The following PRKCE variants were observed in gnomAD, a reference collection of about 807,000 sequenced individuals.
The protein encoded by PRKCE is protein kinase C epsilon type.
Under a neutral mutation model 85.4 loss-of-function variants are expected in PRKCE, and 16 were observed. That is an observed-to-expected ratio of 0.19 (90% CI 0.13 to 0.28). The LOEUF is 0.28. PRKCE is among the 10% of genes least tolerant of loss of function. PRKCE has a pLI of 1.00. For missense variants in PRKCE, 573 were observed against 975.2 expected (o/e 0.59, Z 5.49); for synonymous variants, 388 against 371.5 (o/e 1.04, Z -0.51).
rs1039078638 is a variant in PRKCE at position 46,064,929 on chromosome 2, A to C, written c.1438-21279A>C. Among the ~76,000 whole-genome samples the C allele has an allele frequency of 3.3e-5, 5 of 152,222 alleles. No homozygotes were observed. In the East Asian group the frequency reaches 9.6e-4, roughly 29 times the overall value. ...GGAGGCCCCATTGTTGCCAACACCA[A>C]GCCCAAGCTTTCTGTAGATGTGGCT... On this transcript the variant is annotated intron_variant, in intron 10 of 14. Coordinates refer to ENST00000306156, the MANE Select transcript of PRKCE (RefSeq NM_005400.3).
At chr2:46,062,811 T>G (rs1377953303) in intron 10 of PRKCE, among the ~76,000 whole-genome samples, 1 of 151,674 alleles carries the variant, frequency 6.6e-6, no homozygotes, top group Non-Finnish European at 1.5e-5. Flanking sequence ...GTAGTTACAG[T>G]GGAGACGTTG....
chr2:46,000,805 C>G (rs1323174012), intron 6 of PRKCE: 1 of 152,214 alleles, frequency 6.6e-6, no homozygotes, highest in South Asian at 2.1e-4. Context: ...GTTTCTGCTT[C>G]AGTAAGTTGC....
At chr2:46,160,399 C>T (rs1316984765) in intron 14 of PRKCE, among the ~76,000 whole-genome samples, 1 of 152,240 alleles carries the variant, frequency 6.6e-6, no homozygotes, top group Non-Finnish European at 1.5e-5. Flanking sequence ...CTGGGCTCGA[C>T]TCACAAAATA....
chr2:45,946,194 C>G (rs909045242), intron 2 of PRKCE, among the ~76,000 whole-genome samples: 2 of 152,250 alleles, frequency 1.3e-5, no homozygotes, highest in African/African-American at 4.8e-5. Context: ...TCCCTGCCCA[C>G]AACTGGGTTC....
At chr2:46,091,592 GC>G (rs1670174686) in intron 11 of PRKCE, among the ~76,000 whole-genome samples, 1 of 152,198 alleles carries the variant, frequency 6.6e-6, no homozygotes, top group African/African-American at 2.4e-5. Context: ...AGATTCCATA[GC>G]CCTGACCAAG....
intron 14 of PRKCE, among the ~76,000 whole-genome samples, chr2:46,178,432 T>C (rs1176482057): frequency 6.6e-6 from 1 of 152,220 alleles, no homozygotes; most frequent in Non-Finnish European, 1.5e-5. Flanking sequence ...CAGATGATTA[T>C]GTTTAGAGAA....
chr2:45,909,635 C>T (rs933974758), intron 2 of PRKCE, among the ~76,000 whole-genome samples: 5 of 152,224 alleles, frequency 3.3e-5, no homozygotes, highest in Admixed American at 1.3e-4. Flanking sequence ...CAAGTGTGTT[C>T]TAAATTATTC....
intron 10 of PRKCE, among the ~76,000 whole-genome samples, chr2:46,020,912 A>G (rs1465037628): frequency 6.6e-6 from 1 of 152,248 alleles, no homozygotes; most frequent in Non-Finnish European, 1.5e-5. Flanking sequence ...GATTTCATCA[A>G]TCTTACCCAA....
In PRKCE at chr2:45,884,980, TATATATATATATA is replaced by T. The variant is rs1264266283; in HGVS notation, c.412+41918_412+41930del. Among the ~76,000 whole-genome samples, 38 of 66,508 alleles carry T rather than the reference TATATATATATATA, an allele frequency of 5.7e-4. 1 individual carries two copies. The highest frequency in any genetic ancestry group is 6.6e-3 in the Middle Eastern group (1 of 152). 43.6% of individuals were successfully genotyped at this position (66,508 alleles called of 152,430 possible). ...ATATATATATATATATATATATATA[TATATATATATATA>T]TATATATATTTGTTGTTGTTGTTGT... On this transcript the variant is annotated intron_variant, in intron 2 of 14. Transcript: ENST00000306156.
At chr2:45,901,508 A>G (rs1313844279) in intron 2 of PRKCE, among the ~76,000 whole-genome samples, 1 of 152,216 alleles carries the variant, frequency 6.6e-6, no homozygotes, top group African/African-American at 2.4e-5. Flanking sequence ...TGGCTGATAG[A>G]TTTTTAACTT....
At chr2:46,033,729 G>A (rs1293349666) in intron 10 of PRKCE, among the ~76,000 whole-genome samples, 1 of 152,216 alleles carries the variant, frequency 6.6e-6, no homozygotes, top group Non-Finnish European at 1.5e-5. Context: ...CGTATGAAAT[G>A]AGGTAAGCAG....
rs181930742 is a variant in PRKCE, at chr2:45,828,877, C to G, written c.349-14123C>G. The stretch of plus-strand genomic sequence containing the variant: ...AAATTATTCCACTATTCCACAAACA[C>G]CTTTTTCTTTAGCATATGTACCTAC... On this transcript the variant is annotated intron_variant, in intron 1 of 14. Transcript: ENST00000306156. Among the ~76,000 whole-genome samples the G allele has an allele frequency of 3.3e-3, 503 of 152,198 alleles. 5 individuals carry two copies. Among genetic ancestry groups the G allele is most frequent in the Non-Finnish European group, 2.3e-3 (156 of 67,992 alleles).
intron 2 of PRKCE, among the ~76,000 whole-genome samples, chr2:45,906,009 C>G (rs1281735064): frequency 6.6e-6 from 1 of 152,236 alleles, no homozygotes; most frequent in Non-Finnish European, 1.5e-5. Flanking sequence ...ACCCACATGA[C>G]CCGGGTATGG....
chr2:46,056,804 G>A (rs573731897), intron 10 of PRKCE, among the ~76,000 whole-genome samples: 53 of 152,216 alleles, frequency 3.5e-4, no homozygotes, highest in Non-Finnish European at 6.5e-4. Context: ...TTTTTAAGTA[G>A]TGAATCATGG....
intron 1 of PRKCE, among the ~76,000 whole-genome samples, chr2:45,693,104 G>A (rs1267058139): frequency 6.6e-6 from 1 of 152,124 alleles, no homozygotes; most frequent in African/African-American, 2.4e-5. Flanking sequence ...CAGATCCTGA[G>A]GAGTGCGGGG....
intron 2 of PRKCE, among the ~76,000 whole-genome samples, chr2:45,914,437 G>T (rs1193651208): frequency 6.6e-6 from 1 of 152,156 alleles, no homozygotes; most frequent in Non-Finnish European, 1.5e-5. Flanking sequence ...GGAGTGTTCT[G>T]TGCTGTAGAT....
chr2:46,168,255 A>G (rs1447884157), intron 14 of PRKCE, among the ~76,000 whole-genome samples: 7 of 152,142 alleles, frequency 4.6e-5, no homozygotes, highest in Non-Finnish European at 1.0e-4. Context: ...TGGGTTCATC[A>G]GACTAGTGTT....
At chr2:45,981,770 C>T (rs908453265) in intron 5 of PRKCE, among the ~76,000 whole-genome samples, 5 of 152,282 alleles carry the variant, frequency 3.3e-5, no homozygotes, top group Non-Finnish European at 5.9e-5. Context: ...TCCTGTATGA[C>T]AGGCGTTATG....
intron 2 of PRKCE, among the ~76,000 whole-genome samples, chr2:45,898,244 G>A (rs1041067529): frequency 2.6e-5 from 4 of 152,174 alleles, no homozygotes; most frequent in Non-Finnish European, 4.4e-5. Context: ...TAGGAGGGAG[G>A]GGAGTTAAGC....
Sources: allele counts gnomAD v4.1 joint callset (sites outside exome capture counted in the v4.1 genomes callset), GRCh38; gene constraint gnomAD v4.1.1; transcripts MANE v1.5; gene names NCBI Gene and HGNC (gene_info 2026-07-23, HGNC 2026-07-21).